GRIA1: variants seen among roughly 807,000 people sequenced by gnomAD.
The protein encoded by GRIA1 is glutamate receptor 1.
In GRIA1, 31 loss-of-function variants were observed where a neutral mutation model predicts 99.2. The ratio of observed to expected loss-of-function variants is 0.31; its 90% CI spans 0.23 to 0.42. The LOEUF is 0.42. Among genes scored for constraint, GRIA1 ranks in the 10% least tolerant of loss-of-function variants. The probability of loss-of-function intolerance (pLI) is 1.00; values close to 1 mark genes in which losing one functional copy is unlikely to be tolerated. For missense variants in GRIA1, 782 were observed against 1,157.5 expected, an observed-to-expected ratio of 0.68 and a Z score of 4.71; for synonymous variants, 438 against 432.4, an observed-to-expected ratio of 1.01 and a Z score of -0.16.
intron 2 of GRIA1, among the ~76,000 whole-genome samples, chr5:153,618,726 T>A (rs1766750411): frequency 6.6e-6 from 1 of 152,204 alleles, no homozygotes; most frequent in Non-Finnish European, 1.5e-5. Flanking sequence ...ATGCCTGCTA[T>A]GAGCCAGGAT....
intron 10 of GRIA1, among the ~76,000 whole-genome samples, chr5:153,702,818 A>G (rs1561783096): frequency 6.6e-6 from 1 of 152,228 alleles, no homozygotes; most frequent in Non-Finnish European, 1.5e-5. Flanking sequence ...GACTGCTCAC[A>G]TTTCACAGTA....
intron 2 of GRIA1, among the ~76,000 whole-genome samples, chr5:153,613,125 T>C (rs1238231534): frequency 6.6e-6 from 1 of 151,642 alleles, no homozygotes; most frequent in Non-Finnish European, 1.5e-5. Flanking sequence ...CTCCCCCCAA[T>C]AAAAATTTCT....
chr5:153,523,161 C>G (rs1237615245), intron 2 of GRIA1, among the ~76,000 whole-genome samples: 2 of 152,098 alleles, frequency 1.3e-5, no homozygotes, highest in African/African-American at 2.4e-5. Flanking sequence ...AGCAAGATAT[C>G]TGAGGGCAAT....
At chr5:153,502,840 A>G (rs1334209115) in intron 2 of GRIA1, among the ~76,000 whole-genome samples, 1 of 152,250 alleles carries the variant, frequency 6.6e-6, no homozygotes, top group East Asian at 1.9e-4. Context: ...TCTGTCTACA[A>G]AAGTAATATA....
chr5:153,669,932 A>G lies in GRIA1; in HGVS notation c.700-4568A>G, dbSNP rs529185003. On this transcript the variant is annotated intron_variant, in intron 5 of 15. Transcript: ENST00000285900. ...GCTATTATTTGGAATTCTTCTGATGATTACCTTGTATTTTTTACATAGTGA... is the reference window on the plus strand; with the variant it reads ...GCTATTATTTGGAATTCTTCTGATGGTTACCTTGTATTTTTTACATAGTGA... Among the ~76,000 whole-genome samples, 3 of 152,286 alleles carry G rather than the reference A, an allele frequency of 2.0e-5. No individual in the cohort carries two copies. In the South Asian group the frequency reaches 6.2e-4, roughly 32 times the overall value.
chr5:153,602,367 C>T (rs1765051413), intron 2 of GRIA1, among the ~76,000 whole-genome samples: 1 of 148,288 alleles, frequency 6.7e-6, no homozygotes, highest in South Asian at 2.2e-4. Flanking sequence ...ACATCACACA[C>T]TGGGGCCTGT....
At chr5:153,521,102 C>T (rs1055984183) in intron 2 of GRIA1, among the ~76,000 whole-genome samples, 7 of 152,040 alleles carry the variant, frequency 4.6e-5, no homozygotes, top group Non-Finnish European at 5.9e-5. Context: ...ATGAAATGAG[C>T]GGAATCAAAA....
intron 7 of GRIA1, among the ~76,000 whole-genome samples, chr5:153,683,018 A>G (rs1425407801): frequency 6.6e-6 from 1 of 152,200 alleles, no homozygotes; most frequent in Non-Finnish European, 1.5e-5. Context: ...TGAGGGCGCC[A>G]GGATGGCGAC....
chr5:153,799,318 A>G (rs1216974019), intron 14 of GRIA1, among the ~76,000 whole-genome samples: 1 of 152,168 alleles, frequency 6.6e-6, no homozygotes, highest in African/African-American at 2.4e-5. Flanking sequence ...TCCTCAAATA[A>G]AAGGAATTTT....
At chr5:153,736,748 A>T (rs1761405593) in intron 11 of GRIA1, among the ~76,000 whole-genome samples, 1 of 152,166 alleles carries the variant, frequency 6.6e-6, no homozygotes, top group African/African-American at 2.4e-5. Context: ...GGTTCTCTTA[A>T]TTTTCCAAGA....
chr5:153,764,427 C>T lies in GRIA1; in HGVS notation c.1824-7C>T, dbSNP rs1763380764. ...TGCTGCTGATGCCTCTTCCCTTTGG[C>T]CTGCAGGTCCCTGTCTGGTCGCATC... On this transcript the variant is annotated splice_region_variant and splice_polypyrimidine_tract_variant and intron_variant, in intron 11 of 15. Transcript: ENST00000285900. 3 of 1,611,136 alleles carry T rather than the reference C, an allele frequency of 1.9e-6. No individual in the cohort carries two copies. The highest frequency in any genetic ancestry group is 1.3e-5 in the African/African-American group (1 of 74,874).
chr5:153,495,913 T>C (rs1294067777), intron 2 of GRIA1, among the ~76,000 whole-genome samples: 2 of 152,226 alleles, frequency 1.3e-5, no homozygotes, highest in Non-Finnish European at 2.9e-5. Context: ...GCTAATTTAT[T>C]TCCTGGAGCA....
At chr5:153,806,314 G>A (rs1028834406) in intron 15 of GRIA1, among the ~76,000 whole-genome samples, 18 of 152,020 alleles carry the variant, frequency 1.2e-4, no homozygotes, top group Non-Finnish European at 8.8e-5. Flanking sequence ...TGTCCAGGCT[G>A]GAGTTCAGTG....
intron 2 of GRIA1, among the ~76,000 whole-genome samples, chr5:153,637,095 G>A (rs529312082): frequency 6.6e-6 from 1 of 152,174 alleles, no homozygotes; most frequent in Non-Finnish European, 1.5e-5. Flanking sequence ...GAAGTGCCAA[G>A]AATAGAATTT....
chr5:153,811,232 C>A lies in GRIA1; in HGVS notation c.*7C>A, dbSNP rs375108255. ...GGGAGCCACGGGATTGTAACTGGAG[C>A]AGATGGAGACCCCTTGGGGAGCAGG... On this transcript the variant is annotated 3_prime_UTR_variant, in exon 16 of 16. Transcript: ENST00000285900. The A allele has an allele frequency of 3.7e-4, 595 of 1,609,534 alleles. 9 individuals are homozygous for A. The South Asian group carries it at 6.2e-3, about 17-fold the overall frequency.
At chr5:153,644,189 A>G (rs1274017536) in intron 2 of GRIA1, among the ~76,000 whole-genome samples, 3 of 152,228 alleles carry the variant, frequency 2.0e-5, no homozygotes, top group African/African-American at 4.8e-5. Flanking sequence ...TGGGAGAATA[A>G]TATGTGATGT....
rs1169115687 is a variant in GRIA1 at position 153,647,130 on chromosome 5, G to A, written c.423G>A (p.Lys141=). Residue 141 remains lysine, a synonymous_variant, in exon 3 of 16, where the codon AAG becomes AAA. Transcript: ENST00000285900. ...DALISIIDHY[K]WQKFVYIYDA... The stretch of plus-strand genomic sequence containing the variant: ...TCATCAGCATCATTGACCATTACAA[G>A]TGGCAGAAATTTGTCTACATTTATG... 1 of 1,613,806 alleles carries A rather than the reference G, an allele frequency of 6.2e-7. No homozygotes were observed. Among genetic ancestry groups the A allele is most frequent in the Non-Finnish European group, 8.5e-7 (1 of 1,179,918 alleles).
chr5:153,813,641 C>T lies in GRIA1; in HGVS notation c.*2416C>T, dbSNP rs920564246. The T allele has an allele frequency of 1.3e-5, 2 of 152,220 alleles. No individual in the cohort carries two copies. The highest frequency in any genetic ancestry group is 2.9e-5 in the Non-Finnish European group (2 of 68,024). The allele number at this position is 152,220 out of a possible 1,614,324, so 9.4% of individuals were successfully genotyped here. ...ACATTTTTCTCAACAGGAATCCATA[C>T]TTAACAGTTCTGGCTTTCATTAAAT... On this transcript the variant is annotated 3_prime_UTR_variant, in exon 16 of 16. Coordinates refer to ENST00000285900, the MANE Select transcript of GRIA1 (RefSeq NM_000827.4).
intron 5 of GRIA1, among the ~76,000 whole-genome samples, chr5:153,673,780 C>A (rs7443329): frequency 0.17 from 25,610 of 152,126 alleles, 2,311 homozygotes; most frequent in Non-Finnish European, 0.19. Flanking sequence ...TTTCCTTTTA[C>A]AGTCGAAGCC....
Sources: gnomAD v4.1 joint callset for allele counts (sites outside exome capture counted in the v4.1 genomes callset) on GRCh38, gnomAD v4.1.1 for gene constraint, MANE v1.5 for transcripts, NCBI Gene and HGNC (gene_info 2026-07-23, HGNC 2026-07-21) for gene names.